The following PROM1 variants were observed in gnomAD, a reference collection of about 807,000 sequenced individuals.
PROM1 encodes prominin-1.
Under a neutral mutation model 116.9 loss-of-function variants are expected in PROM1, and 105 were observed. The observed-to-expected ratio is 0.90, with a 90% CI of 0.77 to 1.06. The LOEUF (loss-of-function observed/expected upper bound fraction) is 1.06. Ranked by LOEUF, PROM1 falls within the 50% of genes least tolerant of loss-of-function variation. The pLI is 0.00. For synonymous variants in PROM1, 393 were observed against 387.0 expected, an observed-to-expected ratio of 1.02 and a Z score of -0.18; for missense variants, 1,122 against 1,045.2, an observed-to-expected ratio of 1.07 and a Z score of -1.01.
chr4:16,033,620 C>G, intron 4 of PROM1, 111 bp from the exon 5 acceptor site: 1 of 849,490 alleles, frequency 1.2e-6, no homozygotes, highest in Non-Finnish European at 1.6e-6. Flanking sequence ...GACAGGGTCT[C>G]GCTCTGTTGC....
intron 11 of PROM1, among the ~76,000 whole-genome samples, chr4:16,009,368 T>C (rs901703964): frequency 3.9e-5 from 6 of 152,232 alleles, no homozygotes; most frequent in African/African-American, 1.4e-4. Flanking sequence ...TTCCACTTAC[T>C]TTACTTAAAG....
chr4:15,988,941 C>T (rs1720224239), intron 19 of PROM1, among the ~76,000 whole-genome samples: 1 of 152,172 alleles, frequency 6.6e-6, no homozygotes, highest in Admixed American at 6.5e-5. Context: ...AGTGGATTTA[C>T]TTGCTTGTCC....
At chr4:16,016,131 T>C (rs371761775) in intron 10 of PROM1, 35 bp downstream of exon 10, 2 of 1,508,682 alleles carry the variant, frequency 1.3e-6, no homozygotes, top group Non-Finnish European at 1.8e-6. Flanking sequence ...TAAAATGATA[T>C]AAAATCAGTG....
At chr4:16,040,809 C>T (rs1735035491) in intron 2 of PROM1, among the ~76,000 whole-genome samples, 2 of 152,310 alleles carry the variant, frequency 1.3e-5, no homozygotes, top group African/African-American at 4.8e-5. Flanking sequence ...TTAGAGCATG[C>T]AGATCACAGA....
Position 16,016,231 on chromosome 4 carries a change from CG to C in PROM1, c.1011del (p.Val338TrpfsTer42). The C allele has an allele frequency of 6.5e-7, 1 of 1,549,582 alleles. No individual in the cohort carries two copies. The highest frequency in any genetic ancestry group is 8.7e-7 in the Non-Finnish European group (1 of 1,146,704). ...NSNPELRQLP[P>X]VDAELDNVNN... is the part of the protein sequence containing the mutation. Reference sequence around the variant, plus strand: ...TTAACGTTGTCAAGTTCTGCATCCACGGGTGGAAGCTGAAAATTTATAAAAC... The same window carrying C: ...TTAACGTTGTCAAGTTCTGCATCCACGGTGGAAGCTGAAAATTTATAAAAC... On this transcript the variant is annotated frameshift_variant, in exon 10 of 28. Coordinates refer to ENST00000447510, the MANE Select transcript of PROM1 (RefSeq NM_006017.3). LOFTEE classifies it high-confidence loss of function.
At chr4:16,025,160 G>A (rs538596191) in intron 6 of PROM1, 32 bp downstream of exon 6, 2 of 1,598,442 alleles carry the variant, frequency 1.3e-6, no homozygotes, top group South Asian at 2.2e-5. Context: ...AAAATATAAA[G>A]CATCGCGGTA....
At chr4:16,038,646 C>T (rs942563601) in intron 3 of PROM1, among the ~76,000 whole-genome samples, 2 of 152,174 alleles carry the variant, frequency 1.3e-5, no homozygotes, top group African/African-American at 4.8e-5. Context: ...GGTGATCTGC[C>T]CGCCTCAGCC....
intron 15 of PROM1, among the ~76,000 whole-genome samples, chr4:15,997,892 C>A (rs1258362144): frequency 6.6e-6 from 1 of 152,178 alleles, no homozygotes; most frequent in Non-Finnish European, 1.5e-5. Flanking sequence ...GATCATGACC[C>A]CCGTGGAACA....
chr4:16,057,505 C>T (rs1346740179), intron 2 of PROM1, among the ~76,000 whole-genome samples: 1 of 152,234 alleles, frequency 6.6e-6, no homozygotes, highest in Non-Finnish European at 1.5e-5. Flanking sequence ...CACCTTCTGG[C>T]TCCCAGGGTG....
intron 26 of PROM1, chr4:15,976,109 G>C (rs933416294): frequency 2.2e-6 from 1 of 447,870 alleles, no homozygotes; most frequent in Non-Finnish European, 4.5e-6. Flanking sequence ...AATGTCTGTC[G>C]TAAGCAGAAT....
In PROM1 at chr4:16,018,337, G is replaced by A; in HGVS notation, c.988C>T (p.Pro330Ser). Residue 330 changes from proline to serine, a missense_variant, in exon 9 of 28, where the codon CCT (proline) becomes TCT (serine). Transcript: ENST00000447510. ...RLSLSQLNSN[P>S]ELRQLPPVDA... ...TGCCTGCTCACCTGCCTCAGTTCAG[G>A]GTTGCTATTCAGCTGGCTTAGAGAC... 6.2e-7 allele frequency: 1 copy of A among 1,613,190 alleles called. No individual in the cohort carries two copies. The highest frequency in any genetic ancestry group is 8.5e-7 in the Non-Finnish European group (1 of 1,179,868).
At chr4:16,004,009 T>G (rs147554196) in intron 13 of PROM1, among the ~76,000 whole-genome samples, 459 of 152,328 alleles carry the variant, frequency 3.0e-3, no homozygotes, top group Non-Finnish European at 4.2e-3. Context: ...ACACATACTC[T>G]TTCTGGTTTC....
At chr4:15,970,698 T>C (rs995337786) in intron 27 of PROM1, among the ~76,000 whole-genome samples, 7 of 152,304 alleles carry the variant, frequency 4.6e-5, no homozygotes, top group African/African-American at 1.4e-4. Context: ...CACATCCTCC[T>C]ACATACTGTA....
At chr4:15,980,604 GGATTTTTTT>G in intron 23 of PROM1, 67 bp from the exon 24 acceptor site, 1 of 793,346 alleles carries the variant, frequency 1.3e-6, no homozygotes, top group Non-Finnish European at 1.8e-6. Context: ...GTTGTTTGGG[GGATTTTTTT>G]TTTTTTTTTT....
intron 13 of PROM1, among the ~76,000 whole-genome samples, chr4:16,001,972 T>C (rs552104312): frequency 5.9e-5 from 9 of 152,244 alleles, no homozygotes; most frequent in African/African-American, 2.2e-4. Flanking sequence ...ATTGAGAATA[T>C]AGCTGGCGGG....
intron 5 of PROM1, among the ~76,000 whole-genome samples, chr4:16,026,229 G>A (rs1025520571): frequency 6.6e-6 from 1 of 152,062 alleles, no homozygotes; most frequent in African/African-American, 2.4e-5. Context: ...ATTTTTAAGG[G>A]CTCTTACTGT....
chr4:16,051,091 T>C (rs893432954), intron 2 of PROM1, among the ~76,000 whole-genome samples: 11 of 152,154 alleles, frequency 7.2e-5, no homozygotes, highest in Admixed American at 4.6e-4. Context: ...CTAGAGCAGA[T>C]AATATGTGAG....
intron 2 of PROM1, among the ~76,000 whole-genome samples, chr4:16,069,109 A>G (rs1560612503): frequency 1.3e-5 from 2 of 152,066 alleles, no homozygotes; most frequent in South Asian, 4.1e-4. Flanking sequence ...GTGGCGCATG[A>G]CTGTTATCCC....
intron 1 of PROM1, 42 bp from the exon 2 acceptor site, chr4:16,076,160 A>C: frequency 1.6e-6 from 1 of 615,482 alleles, no homozygotes; most frequent in Non-Finnish European, 2.5e-6. Context: ...CAATGCGTGT[A>C]AACTGCCTGC....
Sources: gnomAD v4.1 joint callset for allele counts (sites outside exome capture counted in the v4.1 genomes callset) on GRCh38, gnomAD v4.1.1 for gene constraint, MANE v1.5 for transcripts, NCBI Gene and HGNC (gene_info 2026-07-23, HGNC 2026-07-21) for gene names.